Variants in SATL1 observed in about 807,000 individuals in gnomAD.
SATL1 encodes the protein spermidine/spermine N1-acetyl transferase like 1.
SATL1 carries 47 observed loss-of-function variants against 51.8 expected under a neutral mutation model. The observed-to-expected ratio is 0.91, with a 90% CI of 0.72 to 1.16. The LOEUF (loss-of-function observed/expected upper bound fraction) is 1.16. Among genes scored for constraint, SATL1 ranks in the 50% most tolerant of loss-of-function variants. The pLI is 0.00. For synonymous variants in SATL1, 176 were observed against 182.4 expected (o/e 0.97, Z 0.28); for missense variants, 520 against 526.4 (o/e 0.99, Z 0.12).
chrX:85,202,176 TTTTAA>T (rs1359224680), intron 2 of SATL1, among the ~76,000 whole-genome samples: 2 of 112,026 alleles, frequency 1.8e-5, no homozygotes, highest in Admixed American at 9.5e-5. Flanking sequence ...ATGGTATCTC[TTTTAA>T]TTTAAGTTCC....
intron 5 of SATL1, among the ~76,000 whole-genome samples, chrX:85,094,658 G>A (rs752814814): frequency 2.7e-5 from 3 of 111,403 alleles, no homozygotes; most frequent in Non-Finnish European, 3.8e-5. Flanking sequence ...AGACACTTGA[G>A]CACAGGAGTT....
intron 2 of SATL1, chrX:85,207,104 G>A (rs1260435021): frequency 9.0e-6 from 1 of 111,603 alleles, no homozygotes; most frequent in Non-Finnish European, 1.9e-5. Flanking sequence ...GTCTCAGAGA[G>A]TAGAAAAATA....
chrX:85,209,994 C>T (rs2081426448), intron 2 of SATL1: 2 of 110,364 alleles, frequency 1.8e-5, no homozygotes, highest in South Asian at 7.8e-4. Context: ...TCCCTTTACA[C>T]ACTTCTGCCT....
At chrX:85,234,196 G>A (rs1221848283) in intron 1 of SATL1, among the ~76,000 whole-genome samples, 1 of 110,352 alleles carries the variant, frequency 9.1e-6, no homozygotes, top group African/African-American at 3.3e-5. Flanking sequence ...AGCATACCCA[G>A]TAATATTATA....
chrX:85,238,794 C>T (rs1928528845), intron 1 of SATL1, among the ~76,000 whole-genome samples: 1 of 111,102 alleles, frequency 9.0e-6, no homozygotes, highest in Non-Finnish European at 1.9e-5. Context: ...GTTTATTACA[C>T]ATTGTATGCC....
chrX:85,196,553 C>T (rs1236401197), intron 2 of SATL1, among the ~76,000 whole-genome samples: 1 of 111,394 alleles, frequency 9.0e-6, no homozygotes, highest in East Asian at 2.8e-4. Context: ...TACATCACTA[C>T]AAAGGATGTA....
At chrX:85,238,532 GAGACC>G (rs1315730595) in intron 1 of SATL1, among the ~76,000 whole-genome samples, 1 of 111,305 alleles carries the variant, frequency 9.0e-6, no homozygotes, top group Non-Finnish European at 1.9e-5. Context: ...CATGAAAATA[GAGACC>G]AGAATGATGG....
rs766254780 is a variant in SATL1, at chrX:85,108,627, T to G, written c.342A>C (p.Pro114=). The G allele has an allele frequency of 8.3e-7, 1 of 1,202,039 alleles. No individual in the cohort carries two copies. The highest frequency in any genetic ancestry group is 1.1e-6 in the Non-Finnish European group (1 of 890,436). Residue 114 remains proline (P), a synonymous_variant, in exon 3 of 8, where the codon CCA becomes CCC. Coordinates refer to ENST00000644105, the MANE Select transcript of SATL1 (RefSeq NM_001367857.2). ...ISQPDPSQPG[P]SQSGPSQSRM... ...GTGATTGGCTGGGGCCTGATTGGCT[T>G]GGGCCTGGTTGCGATGGGTCTGGTT...
At chrX:85,141,287 G>C (rs1569235203) in intron 2 of SATL1, among the ~76,000 whole-genome samples, 2 of 112,118 alleles carry the variant, frequency 1.8e-5, no homozygotes, top group African/African-American at 3.2e-5. Flanking sequence ...CCCAGCCTCT[G>C]TTGGGAGAAG....
intron 2 of SATL1, among the ~76,000 whole-genome samples, chrX:85,124,275 GAT>G (rs1925569983): frequency 9.0e-6 from 1 of 111,652 alleles, no homozygotes; most frequent in Admixed American, 9.6e-5. Context: ...ACATTAAGCA[GAT>G]ATTGAAACTA....
At position 85,121,062 on chromosome X, in the gene SATL1, G is replaced by A. The variant is rs144231199; in HGVS notation, c.-312-11782C>T. Among the ~76,000 whole-genome samples, 757 of 110,515 alleles carry A rather than the reference G, an allele frequency of 6.8e-3. 8 individuals carry two copies. The highest frequency in any genetic ancestry group is 0.022 in the African/African-American group (678 of 30,547). ...AAAAATTGTAAAGAATTAGCTCTGT[G>A]CTTCTTAGTAACTTTGAGACCTTAA... On this transcript the variant is annotated intron_variant, in intron 2 of 7. Coordinates refer to ENST00000644105, the MANE Select transcript of SATL1 (RefSeq NM_001367857.2).
chrX:85,161,517 T>C (rs1422844120), intron 2 of SATL1, among the ~76,000 whole-genome samples: 1 of 103,556 alleles, frequency 9.7e-6, no homozygotes, highest in African/African-American at 3.5e-5. Context: ...GGGGCTGCAA[T>C]CCTAATTTCA....
Position 85,095,338 on chromosome X carries a change from T to A in SATL1, c.1694-342A>T, listed in dbSNP as rs374440817. On this transcript the variant is annotated intron_variant, in intron 4 of 7. Transcript: ENST00000644105. ...AATAAACCTCTTGTCCTCAAAATAC[T>A]GAAGTTCTGTGTTTTGACTGTGTGT... Among the ~76,000 whole-genome samples the A allele has an allele frequency of 1.6e-4, 18 of 111,518 alleles. No individual in the cohort carries two copies. In the East Asian group the frequency reaches 5.1e-3, roughly 32 times the overall value.
chrX:85,122,616 CA>C (rs200648217), intron 2 of SATL1, among the ~76,000 whole-genome samples: 1,674 of 108,240 alleles, frequency 0.015, 14 homozygotes, highest in Non-Finnish European at 0.024. Flanking sequence ...AATAAGTGTA[CA>C]AAAAAAAAGA....
At chrX:85,125,582 C>T (rs1445970799) in intron 2 of SATL1, among the ~76,000 whole-genome samples, 6 of 105,868 alleles carry the variant, frequency 5.7e-5, no homozygotes, top group African/African-American at 1.7e-4. Flanking sequence ...TTGTCCATTG[C>T]CTTATGTAAA....
chrX:85,135,166 G>A (rs1376999122), intron 2 of SATL1, among the ~76,000 whole-genome samples: 3 of 110,201 alleles, frequency 2.7e-5, no homozygotes, highest in Non-Finnish European at 5.7e-5. Flanking sequence ...ACACACTGGG[G>A]CCTGTCGGTG....
intron 2 of SATL1, among the ~76,000 whole-genome samples, chrX:85,185,777 G>A (rs185428302): frequency 9.0e-6 from 1 of 110,829 alleles, no homozygotes; most frequent in Non-Finnish European, 1.9e-5. Context: ...AGGAGCCAAG[G>A]TCTTGAATCA....
intron 1 of SATL1, among the ~76,000 whole-genome samples, chrX:85,226,852 T>G (rs182487612): frequency 9.0e-6 from 1 of 111,183 alleles, no homozygotes; most frequent in African/African-American, 3.3e-5. Context: ...GCACCCTGGC[T>G]TTTATAATTC....
Position 85,136,232 on chromosome X carries a change from G to T in SATL1, c.-312-26952C>A, listed in dbSNP as rs968267185. Among the ~76,000 whole-genome samples the T allele has an allele frequency of 3.6e-5, 4 of 110,461 alleles. No individual in the cohort carries two copies. The Admixed American group carries it at 3.9e-4, about 11-fold the overall frequency. On this transcript the variant is annotated intron_variant, in intron 2 of 7. Transcript: ENST00000644105. ...CAGCTTCAGTCATATAAAATTTTAG[G>T]TGTCTTTGAAATTTCCAAGCAGAGA...
Sources: allele counts gnomAD v4.1 joint callset (sites outside exome capture counted in the v4.1 genomes callset), GRCh38; gene constraint gnomAD v4.1.1; transcripts MANE v1.5; gene names NCBI Gene and HGNC (gene_info 2026-07-23, HGNC 2026-07-21).